The following PDE8A variants were observed in gnomAD, a reference collection of about 807,000 sequenced individuals.
The protein encoded by PDE8A is phosphodiesterase 8A, also known as high affinity cAMP-specific and IBMX-insensitive 3',5'-cyclic phosphodiesterase 8A.
In PDE8A, 59 loss-of-function variants were observed where a neutral mutation model predicts 105.0. The ratio of observed to expected loss-of-function variants is 0.56; its 90% CI spans 0.46 to 0.70. PDE8A has a LOEUF of 0.70. PDE8A is among the 30% of genes least tolerant of loss of function. PDE8A has a pLI of 0.00. For synonymous variants in PDE8A, 355 were observed against 371.9 expected (o/e 0.95, Z 0.52); for missense variants, 1,014 against 1,045.9 (o/e 0.97, Z 0.42).
chr15:85,109,181 C>A, intron 12 of PDE8A, 51 bp downstream of exon 12: 1 of 1,257,278 alleles, frequency 8.0e-7, no homozygotes, highest in Non-Finnish European at 1.2e-6. Context: ...CTGTTGAACA[C>A]ATGGAGCCCT....
intron 20 of PDE8A, among the ~76,000 whole-genome samples, chr15:85,134,053 A>C (rs1398630999): frequency 6.6e-6 from 1 of 152,202 alleles, no homozygotes; most frequent in Non-Finnish European, 1.5e-5. Context: ...CTGGTGACTT[A>C]GATGAGGGCA....
intron 1 of PDE8A, among the ~76,000 whole-genome samples, chr15:85,011,815 T>C (rs2080243748): frequency 6.6e-6 from 1 of 151,876 alleles, no homozygotes; most frequent in Admixed American, 6.6e-5. Context: ...AGGGCTAATA[T>C]CCAGAATCTA....
chr15:85,138,076 A>G lies in PDE8A; in HGVS notation c.*173A>G. 1 of 545,234 alleles carries G rather than the reference A, an allele frequency of 1.8e-6. No individual in the cohort carries two copies. Among genetic ancestry groups the G allele is most frequent in the East Asian group, 2.9e-5 (1 of 34,138 alleles). The allele number at this position is 545,234 out of a possible 1,614,324, so 33.8% of individuals were successfully genotyped here. A position where few individuals can be genotyped will look rare whatever the true frequency, so the allele number is the denominator to read the frequency against. ...CCTTCTGCAGCCACCATCCAATGCC[A>G]TTACTGTCAAGTGAGACTTGGCCAC... is the stretch of plus-strand genomic sequence containing the variant. On this transcript the variant is annotated 3_prime_UTR_variant, in exon 22 of 22. Transcript: ENST00000394553.
intron 2 of PDE8A, among the ~76,000 whole-genome samples, chr15:85,066,465 T>A (rs916929300): frequency 1.3e-5 from 2 of 151,906 alleles, no homozygotes; most frequent in African/African-American, 4.8e-5. Context: ...CTGGGGGCTC[T>A]GAGGTACAAG....
At chr15:85,096,384 G>T (rs1001007933) in intron 8 of PDE8A, among the ~76,000 whole-genome samples, 1 of 152,090 alleles carries the variant, frequency 6.6e-6, no homozygotes, top group African/African-American at 2.4e-5. Context: ...ACTTGAGCCT[G>T]GGAGGTTGAG....
Position 85,137,935 on chromosome 15 carries a change from G to T in PDE8A, c.*32G>T. 1 of 1,355,084 alleles carries T rather than the reference G, an allele frequency of 7.4e-7. No individual in the cohort carries two copies. Among genetic ancestry groups the T allele is most frequent in the Non-Finnish European group, 1.1e-6 (1 of 946,028 alleles). 83.9% of individuals were successfully genotyped at this position (1,355,084 alleles called of 1,614,324 possible). The stretch of plus-strand genomic sequence containing the variant: ...ACACCACCCAGAGCCCTGAAGCTTT[G>T]TTCCTTCGGTCATTTGGAATTCCTG... On this transcript the variant is annotated 3_prime_UTR_variant, in exon 22 of 22. Coordinates refer to ENST00000394553, the MANE Select transcript of PDE8A (RefSeq NM_002605.3).
chr15:85,106,812 T>C (rs1366444043), intron 11 of PDE8A, among the ~76,000 whole-genome samples: 5 of 152,210 alleles, frequency 3.3e-5, no homozygotes, highest in Non-Finnish European at 7.4e-5. Context: ...GTTCTTTATC[T>C]CTGAGACGCT....
At chr15:85,023,008 A>G (rs2080453963) in intron 1 of PDE8A, among the ~76,000 whole-genome samples, 2 of 152,192 alleles carry the variant, frequency 1.3e-5, no homozygotes, top group Admixed American at 1.3e-4. Context: ...GAAAAGGTAG[A>G]CCTAGGTAAT....
rs536962158 is a variant in PDE8A, at chr15:85,109,119, G to A, written c.1103G>A (p.Arg368His). ...GSLDVKAVASRATEVSSQRRH... is the reference protein window; with the variant it reads ...GSLDVKAVASHATEVSSQRRH... Reference sequence around the variant, plus strand: ...CTAGACGTCAAAGCTGTTGCCTCCCGTGCAACTGAAGGTGAGTGACAAAGA... The same window carrying A: ...CTAGACGTCAAAGCTGTTGCCTCCCATGCAACTGAAGGTGAGTGACAAAGA... Residue 368 changes from arginine (R) to histidine (H), a missense_variant, in exon 12 of 22, where the codon CGT becomes CAT. Physicochemically the swap from Arg to His is conservative, Grantham distance 29. Coordinates refer to ENST00000394553, the MANE Select transcript of PDE8A (RefSeq NM_002605.3). 2.4e-5 allele frequency: 38 copies of A among 1,607,648 alleles called. No homozygotes were observed. Among genetic ancestry groups the A allele is most frequent in the Middle Eastern group, 1.7e-4 (1 of 6,052 alleles).
chr15:85,044,887 T>G (rs902633972), intron 1 of PDE8A, among the ~76,000 whole-genome samples: 1 of 152,264 alleles, frequency 6.6e-6, no homozygotes, highest in Non-Finnish European at 1.5e-5. Context: ...AGAATAAAAT[T>G]CAAATGTCTT....
At chr15:85,061,133 A>G (rs907889982) in intron 1 of PDE8A, among the ~76,000 whole-genome samples, 1 of 151,868 alleles carries the variant, frequency 6.6e-6, no homozygotes, top group Non-Finnish European at 1.5e-5. Flanking sequence ...CTGACCTCCA[A>G]AGTTTCTGAT....
chr15:85,114,047 T>C lies in PDE8A; in HGVS notation c.1350+10T>C. ...TGGGGGCTTAATGTCTGTAAGTATATTTGACTAGACTCTTGGCTAGAGCCT... is the reference window on the plus strand; with the variant it reads ...TGGGGGCTTAATGTCTGTAAGTATACTTGACTAGACTCTTGGCTAGAGCCT... On this transcript the variant is annotated intron_variant, in intron 14 of 21. Transcript: ENST00000394553. The C allele has an allele frequency of 6.2e-7, 1 of 1,610,086 alleles. No homozygotes were observed.
Position 84,982,193 on chromosome 15 carries a change from G to T in PDE8A, c.31G>T (p.Glu11Ter). The change falls in exon 1 of 22, where the codon GAG becomes TAG. Residue 11 changes from glutamate (E) to a stop codon, truncating the protein, a stop_gained. Transcript: ENST00000394553. LOFTEE classifies it high-confidence loss of function. MGCAPSIHISERLVAEDAPSP... is the reference protein window; with the variant it reads MGCAPSIHIS ...CTGTGCCCCGAGCATCCACATTTCCGAGCGCCTGGTGGCCGAGGACGCGCC... is the reference window on the plus strand; with the variant it reads ...CTGTGCCCCGAGCATCCACATTTCCTAGCGCCTGGTGGCCGAGGACGCGCC... The T allele has an allele frequency of 6.7e-7, 1 of 1,483,590 alleles. No individual in the cohort carries two copies. The highest frequency in any genetic ancestry group is 2.3e-5 in the Admixed American group (1 of 43,204). The allele number at this position is 1,483,590 out of a possible 1,614,324, so 91.9% of individuals were successfully genotyped here.
intron 1 of PDE8A, among the ~76,000 whole-genome samples, chr15:85,059,072 T>C (rs888638626): frequency 6.6e-6 from 1 of 152,222 alleles, no homozygotes; most frequent in Non-Finnish European, 1.5e-5. Flanking sequence ...AGTTTTAGTA[T>C]GTTGCGTTTT....
At chr15:85,106,741 CAG>C (rs916494704) in intron 11 of PDE8A, among the ~76,000 whole-genome samples, 2 of 152,172 alleles carry the variant, frequency 1.3e-5, no homozygotes, top group Non-Finnish European at 2.9e-5. Context: ...TCATGGGAAA[CAG>C]TGAGAGATGA....
intron 21 of PDE8A, 105 bp from the exon 22 acceptor site, chr15:85,137,692 G>A (rs1485373816): frequency 8.3e-6 from 6 of 724,284 alleles, no homozygotes; most frequent in South Asian, 5.0e-5. Context: ...TTAGCCTCAC[G>A]CAGATGCCTG....
Position 85,097,938 on chromosome 15 carries a change from C to T in PDE8A, c.853-10C>T, listed in dbSNP as rs770201156. ...CACAAAGTATGACGATGCTTACATT[C>T]CATTTATAGGAGTGGCAAGGAATTT... On this transcript the variant is annotated splice_polypyrimidine_tract_variant and intron_variant, in intron 8 of 21. Transcript: ENST00000394553. 7.0e-7 allele frequency: 1 copy of T among 1,433,976 alleles called. No homozygotes were observed. Among genetic ancestry groups the T allele is most frequent in the South Asian group, 1.1e-5 (1 of 87,038 alleles). 88.8% of individuals were successfully genotyped at this position (1,433,976 alleles called of 1,614,324 possible).
At chr15:85,046,065 CTT>C (rs34486009) in intron 1 of PDE8A, among the ~76,000 whole-genome samples, 307 of 124,422 alleles carry the variant, frequency 2.5e-3, no homozygotes, top group Middle Eastern at 8.3e-3. Context: ...CTTTCTGTTT[CTT>C]TTTTTTTTTT....
In PDE8A at chr15:85,120,825, C is replaced by T. The variant is rs2082169145; in HGVS notation, c.1763C>T (p.Ala588Val). The T allele has an allele frequency of 6.2e-7, 1 of 1,613,776 alleles. No individual in the cohort carries two copies. The highest frequency in any genetic ancestry group is 1.7e-4 in the Middle Eastern group (1 of 6,060). ...KETLDPIDEV[A>V]ALIAATIHDV... ...ACTTTAGATCCAATTGATGAGGTCGCTGCACTCATCGCAGCCACCATTCAT... is the reference window on the plus strand; with the variant it reads ...ACTTTAGATCCAATTGATGAGGTCGTTGCACTCATCGCAGCCACCATTCAT... The change falls in exon 18 of 22, where the codon GCT (alanine) becomes GTT (valine). Residue 588 changes from alanine (A) to valine (V), a missense_variant. Ala to Val is a moderately conservative substitution (Grantham distance 64). Transcript: ENST00000394553.
Sources: gnomAD v4.1 joint callset for allele counts (sites outside exome capture counted in the v4.1 genomes callset) on GRCh38, gnomAD v4.1.1 for gene constraint, MANE v1.5 for transcripts, NCBI Gene and HGNC (gene_info 2026-07-23, HGNC 2026-07-21) for gene names.